The following PTK2 variants were observed in gnomAD, a reference collection of about 807,000 sequenced individuals.
PTK2 encodes the protein focal adhesion kinase 1.
In PTK2, 45 loss-of-function variants were observed where a neutral mutation model predicts 150.1. That is an observed-to-expected ratio of 0.30 (90% confidence interval 0.24 to 0.38). The LOEUF (loss-of-function observed/expected upper bound fraction) is 0.38, where lower values mean the gene tolerates loss of function less well. Among genes scored for constraint, PTK2 ranks in the 10% least tolerant of loss-of-function variants. PTK2 has a pLI of 1.00. For synonymous variants in PTK2, 432 were observed against 449.2 expected (o/e 0.96, Z 0.48); for missense variants, 919 against 1,307.3 (o/e 0.70, Z 4.58).
At chr8:140,687,319 C>A (rs963148635) in intron 26 of PTK2, among the ~76,000 whole-genome samples, 1 of 152,192 alleles carries the variant, frequency 6.6e-6, no homozygotes, top group Non-Finnish European at 1.5e-5. Context: ...ACCACAGTGG[C>A]TCCTGCCTCC....
intron 17 of PTK2, chr8:140,747,190 TA>T (rs2100059485): frequency 5.1e-6 from 1 of 197,990 alleles, no homozygotes; most frequent in Non-Finnish European, 1.0e-5. Context: ...GCACCCGGCC[TA>T]GTTATTCTTT....
rs562534856 is a variant in PTK2 at position 140,690,296 on chromosome 8, G to A, written c.2500-3602C>T. Reference sequence around the variant, plus strand: ...AGACAGGGTCTTGATCTGCCGCCCAGGTCAGAGTGCAGCGACTATTCACAG... The same window carrying A: ...AGACAGGGTCTTGATCTGCCGCCCAAGTCAGAGTGCAGCGACTATTCACAG... On this transcript the variant is annotated intron_variant, in intron 26 of 31. Transcript: ENST00000522684. 3.9e-5 allele frequency among the ~76,000 whole-genome samples: 6 copies of A among 152,216 alleles called. No homozygotes were observed. In the South Asian group the frequency reaches 1.0e-3, roughly 26 times the overall value.
chr8:140,996,042 G>A (rs35272412), intron 1 of PTK2, among the ~76,000 whole-genome samples: 2,608 of 151,782 alleles, frequency 0.017, 42 homozygotes, highest in Non-Finnish European at 0.028. Context: ...CCAAGATCGC[G>A]CCACTGGGTG....
chr8:140,728,783 A>T (rs902882237), intron 22 of PTK2, among the ~76,000 whole-genome samples: 1 of 152,094 alleles, frequency 6.6e-6, no homozygotes, highest in Non-Finnish European at 1.5e-5. Flanking sequence ...GGCCTCCCAA[A>T]ATGCTGAGAT....
At chr8:140,906,458 A>G (rs1303186073) in intron 2 of PTK2, among the ~76,000 whole-genome samples, 1 of 152,236 alleles carries the variant, frequency 6.6e-6, no homozygotes, top group Non-Finnish European at 1.5e-5. Flanking sequence ...TGTGGTATAT[A>G]TACACAATGG....
At chr8:140,760,638 G>C (rs915718758) in intron 16 of PTK2, among the ~76,000 whole-genome samples, 1 of 152,136 alleles carries the variant, frequency 6.6e-6, no homozygotes, top group Non-Finnish European at 1.5e-5. Flanking sequence ...TGAAGAAAAC[G>C]TTCCAATTGA....
intron 8 of PTK2, among the ~76,000 whole-genome samples, chr8:140,825,413 T>C (rs550721352): frequency 6.6e-6 from 1 of 152,310 alleles, no homozygotes; most frequent in South Asian, 2.1e-4. Flanking sequence ...TCTCCAAGAA[T>C]AAAATCATGT....
intron 2 of PTK2, among the ~76,000 whole-genome samples, chr8:140,924,327 A>C (rs1409510246): frequency 6.6e-6 from 1 of 152,064 alleles, no homozygotes; most frequent in Admixed American, 6.6e-5. Flanking sequence ...TCCCTGCTTC[A>C]TTTTATTCCC....
intron 1 of PTK2, among the ~76,000 whole-genome samples, chr8:140,996,748 C>T (rs1409191350): frequency 1.3e-5 from 2 of 152,186 alleles, no homozygotes; most frequent in Admixed American, 6.5e-5. Flanking sequence ...GAAAAAGATT[C>T]CTATCAAAAT....
intron 26 of PTK2, among the ~76,000 whole-genome samples, chr8:140,694,921 A>AC (rs1206715742): frequency 6.6e-6 from 1 of 152,232 alleles, no homozygotes; most frequent in Non-Finnish European, 1.5e-5. Flanking sequence ...TCCAACTGAC[A>AC]GAGGGTCAGG....
intron 3 of PTK2, among the ~76,000 whole-genome samples, chr8:140,889,300 G>A (rs1018069442): frequency 6.0e-4 from 91 of 152,236 alleles, no homozygotes; most frequent in Non-Finnish European, 5.0e-4. Context: ...CACGATCTCA[G>A]CTCACTGCAA....
At chr8:140,929,568 T>C (rs2154608493) in intron 1 of PTK2, among the ~76,000 whole-genome samples, 1 of 152,220 alleles carries the variant, frequency 6.6e-6, no homozygotes, top group South Asian at 2.1e-4. Flanking sequence ...AAAAGAAAAC[T>C]GAGGCTCACA....
intron 27 of PTK2, among the ~76,000 whole-genome samples, chr8:140,680,978 C>G (rs1418829504): frequency 6.6e-6 from 1 of 152,198 alleles, no homozygotes; most frequent in Non-Finnish European, 1.5e-5. Context: ...CTGACAGGCA[C>G]AGCAAATGTT....
intron 8 of PTK2, among the ~76,000 whole-genome samples, chr8:140,823,482 C>CATATATAT (rs5895649): frequency 1.7e-4 from 26 of 151,176 alleles, no homozygotes; most frequent in Non-Finnish European, 3.5e-4. Flanking sequence ...GGTTAAAATG[C>CATATATAT]ATATATATAT....
intron 8 of PTK2, among the ~76,000 whole-genome samples, chr8:140,819,828 G>A (rs549059817): frequency 6.6e-6 from 1 of 152,076 alleles, no homozygotes; most frequent in Admixed American, 6.5e-5. Flanking sequence ...GTCCTTTTTC[G>A]CTTATTTGAG....
intron 2 of PTK2, among the ~76,000 whole-genome samples, chr8:140,907,441 G>A (rs1602087516): frequency 6.6e-6 from 1 of 152,174 alleles, no homozygotes; most frequent in East Asian, 1.9e-4. Context: ...GGAGCATATC[G>A]AATTTCAGAT....
chr8:140,964,904 A>G (rs1417937061), intron 1 of PTK2, among the ~76,000 whole-genome samples: 25 of 152,140 alleles, frequency 1.6e-4, no homozygotes, highest in Non-Finnish European at 8.8e-5. Context: ...GCTCCCAAGA[A>G]AAAAGGTATT....
chr8:140,814,920 G>C (rs943340781), intron 10 of PTK2, among the ~76,000 whole-genome samples: 1 of 152,018 alleles, frequency 6.6e-6, no homozygotes, highest in African/African-American at 2.4e-5. Flanking sequence ...GACTACAGGC[G>C]CATGCCACCA....
intron 1 of PTK2, among the ~76,000 whole-genome samples, chr8:140,959,586 A>G (rs964082337): frequency 3.3e-5 from 5 of 151,514 alleles, no homozygotes; most frequent in Non-Finnish European, 2.9e-5. Flanking sequence ...CGTTCCCCTC[A>G]GAAATGGTGG....
Sources: gnomAD v4.1 joint callset for allele counts (sites outside exome capture counted in the v4.1 genomes callset) on GRCh38, gnomAD v4.1.1 for gene constraint, MANE v1.5 for transcripts, NCBI Gene and HGNC (gene_info 2026-07-23, HGNC 2026-07-21) for gene names.